The following SCUBE1 variants were observed in gnomAD, a reference collection of about 807,000 sequenced individuals.
The protein encoded by SCUBE1 is signal peptide, CUB and EGF-like domain-containing protein 1.
SCUBE1 carries 59 observed loss-of-function variants against 124.4 expected under a neutral mutation model. That is an observed-to-expected ratio of 0.47 (90% CI 0.38 to 0.59). The LOEUF (loss-of-function observed/expected upper bound fraction) is 0.59, where lower values mean the gene tolerates loss of function less well. SCUBE1 is among the 20% of genes least tolerant of loss of function. SCUBE1 has a pLI of 0.00. For synonymous variants in SCUBE1, 545 were observed against 550.9 expected, an observed-to-expected ratio of 0.99 and a Z score of 0.15; for missense variants, 1,150 against 1,371.2, an observed-to-expected ratio of 0.84 and a Z score of 2.55.
chr22:43,328,039 G>A (rs1364583752), intron 2 of SCUBE1, among the ~76,000 whole-genome samples: 2 of 152,180 alleles, frequency 1.3e-5, no homozygotes, highest in South Asian at 4.1e-4. Context: ...AAGGAGGTTG[G>A]CTCTGAACTG....
rs1453277368 is a variant in SCUBE1 at position 43,265,944 on chromosome 22, T to C, written c.485-3099A>G. Among the ~76,000 whole-genome samples the C allele has an allele frequency of 2.0e-5, 3 of 151,774 alleles. No individual in the cohort carries two copies. The East Asian group carries it at 5.9e-4, about 30-fold the overall frequency. On this transcript the variant is annotated intron_variant, in intron 4 of 21. Coordinates refer to ENST00000360835, the MANE Select transcript of SCUBE1 (RefSeq NM_173050.5). ...GGTAAAACCCCGTCTCTACTAAAAA[T>C]ACAAACATTAGCCAGGTGTAGTGGT...
At chr22:43,217,865 C>T (rs66935080) in intron 15 of SCUBE1, among the ~76,000 whole-genome samples, 40,879 of 152,118 alleles carry the variant, frequency 0.27, 7,455 homozygotes, top group East Asian at 0.51. Context: ...TCCCCCGACC[C>T]TGACTCAGGC....
At chr22:43,291,922 A>G (rs1925375652) in intron 3 of SCUBE1, among the ~76,000 whole-genome samples, 1 of 152,158 alleles carries the variant, frequency 6.6e-6, no homozygotes, top group African/African-American at 2.4e-5. Context: ...ACGTATGGTA[A>G]GTGGCAGAGG....
intron 2 of SCUBE1, among the ~76,000 whole-genome samples, chr22:43,321,742 G>GTTTGT (rs1456451872): frequency 6.6e-6 from 1 of 152,108 alleles, no homozygotes; most frequent in Non-Finnish European, 1.5e-5. Flanking sequence ...ATTTGAATTG[G>GTTTGT]TTTGTTTTGT....
rs538910879 is a variant in SCUBE1, at chr22:43,277,814, T to C, written c.484+13232A>G. Among the ~76,000 whole-genome samples the C allele has an allele frequency of 2.7e-4, 41 of 152,376 alleles. No individual in the cohort carries two copies. In the South Asian group the frequency reaches 8.3e-3, roughly 31 times the overall value. On this transcript the variant is annotated intron_variant, in intron 4 of 21. Coordinates refer to ENST00000360835, the MANE Select transcript of SCUBE1 (RefSeq NM_173050.5). ...CGATGTCTTGTATATACGATCTCAT[T>C]TTAATTCTCGTAAACAATTCTGTCA...
intron 2 of SCUBE1, among the ~76,000 whole-genome samples, chr22:43,320,724 C>A (rs554767790): frequency 2.6e-5 from 4 of 152,350 alleles, no homozygotes; most frequent in Non-Finnish European, 5.9e-5. Context: ...CCCACATTAA[C>A]TCAGTGATGC....
At chr22:43,208,966 C>T (rs1167158124) in intron 19 of SCUBE1, among the ~76,000 whole-genome samples, 2 of 151,796 alleles carry the variant, frequency 1.3e-5, no homozygotes, top group Non-Finnish European at 2.9e-5. Flanking sequence ...GGCTTCACTT[C>T]AGCTCAGGCT....
At chr22:43,333,799 C>CT (rs1250088170) in intron 2 of SCUBE1, among the ~76,000 whole-genome samples, 1 of 152,208 alleles carries the variant, frequency 6.6e-6, no homozygotes, top group Non-Finnish European at 1.5e-5. Context: ...TGGCCAGTCA[C>CT]TTTACCTCTC....
At chr22:43,217,997 G>A (rs1281863280) in intron 15 of SCUBE1, among the ~76,000 whole-genome samples, 3 of 151,294 alleles carry the variant, frequency 2.0e-5, no homozygotes, top group African/African-American at 4.9e-5. Flanking sequence ...CGCGCCCCTC[G>A]ACTGTGGCCT....
At chr22:43,321,794 A>C (rs1286903503) in intron 2 of SCUBE1, among the ~76,000 whole-genome samples, 1 of 152,062 alleles carries the variant, frequency 6.6e-6, no homozygotes, top group Non-Finnish European at 1.5e-5. Flanking sequence ...CCAAGGCTGG[A>C]CTCAAACTCC....
rs772869276 is a variant in SCUBE1 at position 43,255,444 on chromosome 22, ACAC to A, written c.727+2772_727+2774del. On this transcript the variant is annotated intron_variant, in intron 6 of 21. Transcript: ENST00000360835. This position sits in a 1 kb window ranked among gnomAD's most constrained non-coding sequence, Gnocchi z 4.7. ...CCGAGACACACATGTGCACACACAC[ACAC>A]AAGTGCAAGTACGACAAAGGAAGTG... is the stretch of plus-strand genomic sequence containing the variant. 45 of 1,495,598 alleles carry A rather than the reference ACAC, an allele frequency of 3.0e-5. No individual in the cohort carries two copies. The highest frequency in any genetic ancestry group is 1.7e-4 in the Middle Eastern group (1 of 5,900). The allele number at this position is 1,495,598 out of a possible 1,614,324, so 92.6% of individuals were successfully genotyped here. A position where few individuals can be genotyped will look rare whatever the true frequency, so the allele number is the denominator to read the frequency against.
chr22:43,271,195 G>T (rs533004565), intron 4 of SCUBE1, among the ~76,000 whole-genome samples: 1 of 152,284 alleles, frequency 6.6e-6, no homozygotes, highest in Non-Finnish European at 1.5e-5. Context: ...CTGGGGCCAT[G>T]CCTGGGGCTC....
At chr22:43,254,021 G>T (rs1004936634) in intron 6 of SCUBE1, among the ~76,000 whole-genome samples, 3 of 152,246 alleles carry the variant, frequency 2.0e-5, no homozygotes, top group Non-Finnish European at 4.4e-5. Flanking sequence ...GAGGGCAGTG[G>T]TCATACCTGT....
At chr22:43,294,201 C>T (rs1925475249) in intron 3 of SCUBE1, among the ~76,000 whole-genome samples, 1 of 152,246 alleles carries the variant, frequency 6.6e-6, no homozygotes, top group Non-Finnish European at 1.5e-5. Context: ...AGGCCTCACC[C>T]CCGGCCCCCG....
intron 2 of SCUBE1, among the ~76,000 whole-genome samples, chr22:43,321,546 G>T (rs1926554982): frequency 6.6e-6 from 1 of 152,182 alleles, no homozygotes; most frequent in Non-Finnish European, 1.5e-5. Flanking sequence ...AAGTGAACGC[G>T]CCAGAGTAAG....
intron 3 of SCUBE1, among the ~76,000 whole-genome samples, chr22:43,297,938 C>T (rs1035651298): frequency 6.6e-6 from 1 of 152,174 alleles, no homozygotes; most frequent in African/African-American, 2.4e-5. Flanking sequence ...GTCCCAGCTC[C>T]CACGGAAGGT....
At chr22:43,204,488 G>A (rs1205362300) in intron 21 of SCUBE1, among the ~76,000 whole-genome samples, 1 of 151,810 alleles carries the variant, frequency 6.6e-6, no homozygotes, top group African/African-American at 2.4e-5. Flanking sequence ...CAGTAGAGAC[G>A]CATTTTCACC....
chr22:43,301,447 T>C (rs1925768673), intron 3 of SCUBE1, among the ~76,000 whole-genome samples: 1 of 152,214 alleles, frequency 6.6e-6, no homozygotes, highest in Non-Finnish European at 1.5e-5. Context: ...CTGCTCTCCC[T>C]TGACCCCAGC....
intron 3 of SCUBE1, among the ~76,000 whole-genome samples, chr22:43,301,819 C>T (rs1325175434): frequency 1.8e-4 from 27 of 152,222 alleles, no homozygotes; most frequent in Non-Finnish European, 1.3e-4. Flanking sequence ...GACTGGATAA[C>T]GGACTGAGCA....
Sources: allele counts gnomAD v4.1 joint callset (sites outside exome capture counted in the v4.1 genomes callset), GRCh38; gene constraint gnomAD v4.1.1; non-coding constraint Gnocchi (gnomAD v3.1); transcripts MANE v1.5; gene names NCBI Gene and HGNC (gene_info 2026-07-23, HGNC 2026-07-21).